Variants in NFATC3 observed in about 807,000 individuals in gnomAD.
The protein encoded by NFATC3 is nuclear factor of activated T-cells, cytoplasmic 3.
In NFATC3, 46 loss-of-function variants were observed where a neutral mutation model predicts 98.6. That is an observed-to-expected ratio of 0.47 (90% CI 0.37 to 0.60). The LOEUF (loss-of-function observed/expected upper bound fraction) is 0.60, where lower values mean the gene tolerates loss of function less well. NFATC3 is among the 20% of genes least tolerant of loss of function. The pLI, the probability that NFATC3 is intolerant of heterozygous loss-of-function variation, is 0.00. For synonymous variants in NFATC3, 512 were observed against 472.2 expected, an observed-to-expected ratio of 1.08 and a Z score of -1.09; for missense variants, 1,256 against 1,295.5, an observed-to-expected ratio of 0.97 and a Z score of 0.47.
At chr16:68,163,393 G>C (rs926219542) in intron 4 of NFATC3, among the ~76,000 whole-genome samples, 2 of 150,996 alleles carry the variant, frequency 1.3e-5, no homozygotes, top group African/African-American at 4.9e-5. Context: ...CCTCCCGGAC[G>C]GGGCGGCTGG....
chr16:68,086,730 A>T, intron 1 of NFATC3: 1 of 985,454 alleles, frequency 1.0e-6, no homozygotes, highest in Non-Finnish European at 1.2e-6. Flanking sequence ...TTTGATGTTC[A>T]GTAGACTGTT....
intron 9 of NFATC3, among the ~76,000 whole-genome samples, chr16:68,203,816 C>T (rs1464599266): frequency 6.6e-6 from 1 of 152,144 alleles, no homozygotes; most frequent in Non-Finnish European, 1.5e-5. Context: ...TTTGAAAGAC[C>T]GAGATGGGAG....
At position 68,102,374 on chromosome 16, in the gene NFATC3, GAAAAAAAAAAAA is replaced by G. The variant is rs71268472; in HGVS notation, c.103+16606_103+16617del. ...GTGACAGTGTGAGACTCCATCTCAG[GAAAAAAAAAAAA>G]AAAAAAAAAAAAAAAGTCTTCATTC... is the stretch of plus-strand genomic sequence containing the variant. On this transcript the variant is annotated intron_variant, in intron 1 of 9. Transcript: ENST00000346183. 4.2e-4 allele frequency among the ~76,000 whole-genome samples: 13 copies of G among 30,908 alleles called. No homozygotes were observed. In the East Asian group the frequency reaches 8.1e-3, roughly 19 times the overall value. 20.3% of individuals were successfully genotyped at this position (30,908 alleles called of 152,430 possible).
chr16:68,087,079 A>G (rs900130202), intron 1 of NFATC3, among the ~76,000 whole-genome samples: 4 of 152,356 alleles, frequency 2.6e-5, no homozygotes, highest in Middle Eastern at 3.4e-3. Context: ...ATTTTATAGT[A>G]GAGGAAGAAA....
chr16:68,126,059 A>G (rs1394481543), intron 2 of NFATC3, among the ~76,000 whole-genome samples: 1 of 151,766 alleles, frequency 6.6e-6, no homozygotes, highest in Non-Finnish European at 1.5e-5. Flanking sequence ...TGCCCAGCTA[A>G]TTTTAGTAGA....
chr16:68,096,566 A>G (rs2035028781), intron 1 of NFATC3, among the ~76,000 whole-genome samples: 1 of 152,236 alleles, frequency 6.6e-6, no homozygotes, highest in South Asian at 2.1e-4. Context: ...CTATTGGAGT[A>G]GACATATAAA....
chr16:68,148,710 T>C (rs2151556074), intron 3 of NFATC3, among the ~76,000 whole-genome samples: 1 of 152,162 alleles, frequency 6.6e-6, no homozygotes, highest in Non-Finnish European at 1.5e-5. Flanking sequence ...AAAAAGTCTA[T>C]AAAAGAAGGA....
intron 9 of NFATC3, among the ~76,000 whole-genome samples, chr16:68,210,277 G>A (rs1009479407): frequency 1.4e-5 from 2 of 145,810 alleles, no homozygotes; most frequent in Admixed American, 7.0e-5. Flanking sequence ...CAGCCTGGGC[G>A]ACAGAGTGAG....
intron 9 of NFATC3, among the ~76,000 whole-genome samples, chr16:68,194,338 C>T (rs1032173122): frequency 5.3e-4 from 80 of 152,110 alleles, no homozygotes; most frequent in Non-Finnish European, 1.9e-4. Flanking sequence ...CTGCGTTAAC[C>T]CATGTTCACA....
chr16:68,147,364 T>C (rs2038089842), intron 3 of NFATC3, among the ~76,000 whole-genome samples: 1 of 152,236 alleles, frequency 6.6e-6, no homozygotes, highest in African/African-American at 2.4e-5. Context: ...GTTTTTTCTT[T>C]TTCTATATAA....
At chr16:68,220,124 CTGCCAAAAGTG>C (rs1304187509) in intron 9 of NFATC3, among the ~76,000 whole-genome samples, 1 of 152,230 alleles carries the variant, frequency 6.6e-6, no homozygotes, top group Non-Finnish European at 1.5e-5. Flanking sequence ...CAGATGGTGG[CTGCCAAAAGTG>C]TGCCAGATCC....
chr16:68,184,234 G>C (rs1478202105), intron 8 of NFATC3, among the ~76,000 whole-genome samples: 5 of 152,068 alleles, frequency 3.3e-5, no homozygotes, highest in Non-Finnish European at 7.4e-5. Context: ...CATCAGTGAT[G>C]ATAAAGAATA....
intron 1 of NFATC3, among the ~76,000 whole-genome samples, chr16:68,090,827 A>G (rs1055723745): frequency 3.3e-5 from 5 of 152,090 alleles, no homozygotes; most frequent in African/African-American, 1.2e-4. Context: ...TTATTTTCTT[A>G]CCTTAGGCCA....
chr16:68,172,098 G>T (rs1418750804), intron 5 of NFATC3, among the ~76,000 whole-genome samples: 1 of 152,144 alleles, frequency 6.6e-6, no homozygotes, highest in Non-Finnish European at 1.5e-5. Context: ...CTCCCAAAGT[G>T]CTGGGATTAC....
At chr16:68,148,170 C>T (rs112183098) in intron 3 of NFATC3, among the ~76,000 whole-genome samples, 6,108 of 152,070 alleles carry the variant, frequency 0.04, 369 homozygotes, top group African/African-American at 0.13. Context: ...GCATTCGCCA[C>T]CATGCCCGGC....
chr16:68,132,657 T>C (rs1168310422), intron 3 of NFATC3, among the ~76,000 whole-genome samples: 1 of 152,150 alleles, frequency 6.6e-6, no homozygotes, highest in Non-Finnish European at 1.5e-5. Context: ...AAATGTGACA[T>C]ATATGCACAA....
chr16:68,197,366 C>G (rs755795522), intron 9 of NFATC3, among the ~76,000 whole-genome samples: 5 of 152,224 alleles, frequency 3.3e-5, no homozygotes, highest in Non-Finnish European at 7.3e-5. Context: ...TCACTGCATC[C>G]TCAACTTCCT....
At chr16:68,086,923 C>A in intron 1 of NFATC3, 1 of 428,130 alleles carries the variant, frequency 2.3e-6, no homozygotes, top group African/African-American at 2.1e-5. Flanking sequence ...ATTTGAGCAC[C>A]TATTACGTCG....
At position 68,183,779 on chromosome 16, in the gene NFATC3, G is replaced by C. The variant is rs373655581; in HGVS notation, c.2098+413G>C. Among the ~76,000 whole-genome samples the C allele has an allele frequency of 4.4e-3, 662 of 152,114 alleles. 7 individuals carry two copies. Among genetic ancestry groups the C allele is most frequent in the African/African-American group, 0.015 (607 of 41,480 alleles). On this transcript the variant is annotated intron_variant, in intron 8 of 9. Coordinates refer to ENST00000346183, the MANE Select transcript of NFATC3 (RefSeq NM_173165.3). ...AGCACTTAGGGAGGCCGAGGCGGGA[G>C]GATCACCTGAGGTTGGGAGTTTGAG...
Sources: allele counts gnomAD v4.1 joint callset (sites outside exome capture counted in the v4.1 genomes callset), GRCh38; gene constraint gnomAD v4.1.1; transcripts MANE v1.5; gene names NCBI Gene and HGNC (gene_info 2026-07-23, HGNC 2026-07-21).